The following FCER1G variants were observed in gnomAD, a reference collection of about 807,000 sequenced individuals.
FCER1G encodes Fc epsilon receptor Ig.
A neutral mutation model predicts 17.3 loss-of-function variants in FCER1G; 7 were observed. The ratio of observed to expected loss-of-function variants is 0.40; its 90% CI spans 0.23 to 0.76. FCER1G has a LOEUF of 0.76. FCER1G is among the 30% of genes least tolerant of loss of function. FCER1G has a pLI of 0.35. For synonymous variants in FCER1G, 35 were observed against 38.7 expected, an observed-to-expected ratio of 0.90 and a Z score of 0.35; for missense variants, 87 against 97.7, an observed-to-expected ratio of 0.89 and a Z score of 0.46.
Position 161,217,847 on chromosome 1 carries a change from A to C in FCER1G, c.50-139A>C, listed in dbSNP as rs1418573936. ...GGAAAGGTAAGGGCAGTGGAAGGCC[A>C]GAGAGAAACAGAATTTCTTCCCTTA... On this transcript the variant is annotated intron_variant, in intron 1 of 4. Transcript: ENST00000289902. 4.4e-6 allele frequency: 3 copies of C among 687,274 alleles called. No homozygotes were observed. The Admixed American group carries it at 6.5e-5, about 15-fold the overall frequency. 42.6% of individuals were successfully genotyped at this position (687,274 alleles called of 1,614,324 possible).
chr1:161,218,181 G>A, intron 2 of FCER1G, 60 bp from the exon 3 acceptor site: 2 of 1,557,424 alleles, frequency 1.3e-6, no homozygotes, highest in South Asian at 1.1e-5. Flanking sequence ...CACAAAGTTT[G>A]GAGGGAAGGG....
At chr1:161,218,766 G>A (rs776667723) in intron 4 of FCER1G, 43 bp downstream of exon 4, 1 of 1,612,148 alleles carries the variant, frequency 6.2e-7, no homozygotes, top group Admixed American at 1.7e-5. Context: ...CAGCAGAAGA[G>A]GGTGGGATTT....
intron 1 of FCER1G, 122 bp downstream of exon 1, chr1:161,215,492 A>G (rs1024352886): frequency 4.7e-6 from 4 of 857,960 alleles, no homozygotes; most frequent in Non-Finnish European, 8.0e-6. Context: ...GGGCATAGGG[A>G]GACCCTGAGG....
At chr1:161,218,616 C>A (rs377661089) in intron 3 of FCER1G, 87 bp from the exon 4 acceptor site, 11 of 1,452,586 alleles carry the variant, frequency 7.6e-6, no homozygotes, top group African/African-American at 4.2e-5. Flanking sequence ...GGCTGCCCAC[C>A]CCCCATGCCT....
intron 3 of FCER1G, 53 bp from the exon 4 acceptor site, chr1:161,218,650 G>A (rs1666099283): frequency 5.0e-6 from 8 of 1,607,648 alleles, no homozygotes; most frequent in Non-Finnish European, 6.8e-6. Context: ...AGATGCTGAG[G>A]GGCCCTGGAG....
chr1:161,218,789 G>A (rs1462308730), intron 4 of FCER1G, 66 bp downstream of exon 4: 1 of 1,601,710 alleles, frequency 6.2e-7, no homozygotes. Flanking sequence ...AGCGATCTTT[G>A]GAAGGCCGGT....
chr1:161,216,468 A>G (rs1408247035), intron 1 of FCER1G, among the ~76,000 whole-genome samples: 1 of 150,618 alleles, frequency 6.6e-6, no homozygotes, highest in Non-Finnish European at 1.5e-5. Context: ...TTAGGAAGGT[A>G]GGACTCTGTT....
intron 1 of FCER1G, 70 bp downstream of exon 1, chr1:161,215,440 C>G: frequency 7.4e-7 from 1 of 1,350,538 alleles, no homozygotes; most frequent in East Asian, 2.3e-5. Flanking sequence ...GGTCTGAGGG[C>G]CAAGTCAAAC....
At chr1:161,218,773 AT>A in intron 4 of FCER1G, 50 bp downstream of exon 4, 1 of 1,600,560 alleles carries the variant, frequency 6.2e-7, no homozygotes, top group African/African-American at 1.3e-5. Context: ...AGAGGGTGGG[AT>A]TTTGAGCGAT....
chr1:161,215,890 CTATTAT>C (rs977953432), intron 1 of FCER1G, among the ~76,000 whole-genome samples: 1 of 151,810 alleles, frequency 6.6e-6, no homozygotes, highest in African/African-American at 2.4e-5. Flanking sequence ...CTGCACCCAG[CTATTAT>C]TATTATTAAA....
chr1:161,215,947 ACTC>A (rs1202184162), intron 1 of FCER1G, among the ~76,000 whole-genome samples: 3 of 150,844 alleles, frequency 2.0e-5, no homozygotes, highest in African/African-American at 7.3e-5. Context: ...TCGGTCTTGA[ACTC>A]CTGGCCTCAA....
intron 1 of FCER1G, among the ~76,000 whole-genome samples, chr1:161,216,345 T>C (rs1666045749): frequency 6.7e-6 from 1 of 149,152 alleles, no homozygotes; most frequent in African/African-American, 2.5e-5. Context: ...TATATATCTC[T>C]ATCTATCTAT....
chr1:161,217,939 A>C (rs1666081673), intron 1 of FCER1G, 47 bp from the exon 2 acceptor site: 6 of 1,291,352 alleles, frequency 4.6e-6, no homozygotes, highest in Non-Finnish European at 6.8e-6. Context: ...TGAGTACCAG[A>C]TCCTCCCTGA....
In FCER1G at chr1:161,218,047, T is replaced by C. The variant is rs1216537318; in HGVS notation, c.111T>C (p.Ile37=). 3 of 1,613,920 alleles carry C rather than the reference T, an allele frequency of 1.9e-6. No homozygotes were observed. The highest frequency in any genetic ancestry group is 1.7e-5 in the Admixed American group (1 of 59,996). ...ILDAILFLYG[I]VLTLLYCRLK... The stretch of plus-strand genomic sequence containing the variant: ...ATGCCATCCTGTTTCTGTATGGAAT[T>C]GTCCTCACCCTCCTCTACTGTCGAC... Residue 37 remains isoleucine (I), a synonymous_variant, in exon 2 of 5, where the codon ATT becomes ATC. Coordinates refer to ENST00000289902, the MANE Select transcript of FCER1G (RefSeq NM_004106.2).
At chr1:161,216,407 C>T (rs1405491991) in intron 1 of FCER1G, among the ~76,000 whole-genome samples, 2 of 142,698 alleles carry the variant, frequency 1.4e-5, no homozygotes, top group Non-Finnish European at 3.0e-5. Context: ...CACACACACA[C>T]ACACATATAT....
At chr1:161,217,355 T>C (rs894151000) in intron 1 of FCER1G, among the ~76,000 whole-genome samples, 4 of 151,396 alleles carry the variant, frequency 2.6e-5, no homozygotes, top group African/African-American at 9.7e-5. Flanking sequence ...GGGCCAAAGG[T>C]ATCTGTAAGG....
Position 161,219,168 on chromosome 1 carries a change from CCTT to C in FCER1G, c.*231_*233del. Reference sequence around the variant, plus strand: ...TTCTAGTCTCACTCTCTTGTCCCACCCTTCTTCTCTTCCCCATTCCCAACTCCA... The same window carrying C: ...TTCTAGTCTCACTCTCTTGTCCCACCCTTCTCTTCCCCATTCCCAACTCCA... On this transcript the variant is annotated 3_prime_UTR_variant, in exon 5 of 5. Coordinates refer to ENST00000289902, the MANE Select transcript of FCER1G (RefSeq NM_004106.2). 1 of 552,180 alleles carries C rather than the reference CCTT, an allele frequency of 1.8e-6. No individual in the cohort carries two copies. Among genetic ancestry groups the C allele is most frequent in the Non-Finnish European group, 3.2e-6 (1 of 311,698 alleles). 34.2% of individuals were successfully genotyped at this position (552,180 alleles called of 1,614,324 possible).
rs754110536 is a variant in FCER1G, at chr1:161,215,352, C to A, written c.31C>A (p.Leu11Ile). MIPAVVLLLL[L>I]LVEQAAALGE... is the part of the protein sequence containing the mutation. ...TCCAGCAGTGGTCTTGCTCTTACTCCTTTTGGTTGAACAAGCAGGTAAGAG... is the reference window on the plus strand; with the variant it reads ...TCCAGCAGTGGTCTTGCTCTTACTCATTTTGGTTGAACAAGCAGGTAAGAG... The change falls in exon 1 of 5, where the codon CTT (leucine) becomes ATT (isoleucine). Residue 11 changes from leucine to isoleucine, a missense_variant. Transcript: ENST00000289902. The A allele has an allele frequency of 5.0e-6, 8 of 1,613,628 alleles. No homozygotes were observed. The Admixed American group carries it at 8.3e-5, about 17-fold the overall frequency.
chr1:161,215,715 C>T (rs1666023064), intron 1 of FCER1G, among the ~76,000 whole-genome samples: 2 of 152,036 alleles, frequency 1.3e-5, no homozygotes, highest in Admixed American at 6.6e-5. Context: ...GCCTCAGGCT[C>T]CCGAGTAGCT....
Sources: gnomAD v4.1 joint callset for allele counts (sites outside exome capture counted in the v4.1 genomes callset) on GRCh38, gnomAD v4.1.1 for gene constraint, MANE v1.5 for transcripts, NCBI Gene and HGNC (gene_info 2026-07-23, HGNC 2026-07-21) for gene names.